Variants in KHDRBS2 observed in about 807,000 individuals in gnomAD.
KHDRBS2 encodes the protein KH domain-containing, RNA-binding, signal transduction-associated protein 2.
KHDRBS2 carries 26 observed loss-of-function variants against 44.3 expected under a neutral mutation model. That is an observed-to-expected ratio of 0.59 (90% CI 0.43 to 0.81). KHDRBS2 has a LOEUF of 0.81. Ranked by LOEUF, KHDRBS2 falls within the 40% of genes least tolerant of loss-of-function variation. KHDRBS2 has a pLI of 0.00. For missense variants in KHDRBS2, 476 were observed against 433.1 expected, an observed-to-expected ratio of 1.10 and a Z score of -0.88; for synonymous variants, 194 against 151.1, an observed-to-expected ratio of 1.28 and a Z score of -2.08.
intron 6 of KHDRBS2, among the ~76,000 whole-genome samples, chr6:61,874,621 A>G (rs184241236): frequency 3.9e-5 from 6 of 152,326 alleles, no homozygotes; most frequent in Admixed American, 2.6e-4. Flanking sequence ...AGAGCTCAAC[A>G]TAGGTAATGA....
intron 8 of KHDRBS2, among the ~76,000 whole-genome samples, chr6:61,688,336 T>C (rs540043284): frequency 9.2e-5 from 14 of 152,012 alleles, no homozygotes; most frequent in Middle Eastern, 3.4e-3. Context: ...CTGACTAAAG[T>C]CTAAAACGTA....
intron 4 of KHDRBS2, among the ~76,000 whole-genome samples, chr6:61,914,338 G>A (rs1216193821): frequency 6.6e-6 from 1 of 152,032 alleles, no homozygotes; most frequent in Non-Finnish European, 1.5e-5. Context: ...GTTACTGAAT[G>A]TGGGCTTCCC....
intron 2 of KHDRBS2, among the ~76,000 whole-genome samples, chr6:62,106,735 T>A (rs1169140981): frequency 2.0e-5 from 3 of 152,158 alleles, no homozygotes; most frequent in Non-Finnish European, 4.4e-5. Context: ...ATCAAAAAGC[T>A]TATCCACCAT....
At chr6:61,645,772 A>G in the KHDRBS2 span, among the ~76,000 whole-genome samples, 20 of 152,302 alleles carry the variant, frequency 1.3e-4, no homozygotes, top group African/African-American at 4.1e-4. Context: ...AGAAATCTTT[A>G]ACATCATGTT....
At chr6:61,621,100 A>G in the KHDRBS2 span, among the ~76,000 whole-genome samples, 1 of 152,184 alleles carries the variant, frequency 6.6e-6, no homozygotes, top group Non-Finnish European at 1.5e-5. Flanking sequence ...GCTGGGGACT[A>G]CATTGCTTAC....
In KHDRBS2 at chr6:62,241,453, A is replaced by T. The variant is rs1325496246; in HGVS notation, c.91+44405T>A. On this transcript the variant is annotated intron_variant, in intron 1 of 8. Coordinates refer to ENST00000281156, the MANE Select transcript of KHDRBS2 (RefSeq NM_152688.4). ...TAAATAGAAGGAAATAATAAAATAA[A>T]TTGATTACTAAGAAAACCAGCTGAG... Among the ~76,000 whole-genome samples the T allele has an allele frequency of 2.6e-5, 4 of 152,340 alleles. No individual in the cohort carries two copies. In the South Asian group the frequency reaches 6.2e-4, roughly 24 times the overall value.
intron 6 of KHDRBS2, among the ~76,000 whole-genome samples, chr6:61,844,383 T>C: frequency 6.6e-6 from 1 of 152,184 alleles, no homozygotes; most frequent in South Asian, 2.1e-4. Flanking sequence ...TCAGCATATT[T>C]CAGCTTTTCT....
the KHDRBS2 span, among the ~76,000 whole-genome samples, chr6:61,584,671 T>G: frequency 0.23 from 35,191 of 151,692 alleles, 4,314 homozygotes; most frequent in East Asian, 0.37. Flanking sequence ...TCAAGATCAT[T>G]AGAATAAAAA....
intron 2 of KHDRBS2, among the ~76,000 whole-genome samples, chr6:62,059,343 G>A (rs1352227531): frequency 6.6e-6 from 1 of 150,596 alleles, no homozygotes; most frequent in African/African-American, 2.4e-5. Context: ...ATGTAGTGGA[G>A]CAGGAAAAAG....
chr6:62,018,303 G>GTATATTCACACAC (rs1781608798), intron 3 of KHDRBS2, among the ~76,000 whole-genome samples: 1 of 1,716 alleles, frequency 5.8e-4, no homozygotes, highest in Non-Finnish European at 3.6e-3. Context: ...ATATATATGT[G>GTATATTCACACAC]TGTGTGTGTG....
At chr6:61,670,683 T>TC in the KHDRBS2 span, among the ~76,000 whole-genome samples, 1 of 151,188 alleles carries the variant, frequency 6.6e-6, no homozygotes, top group Non-Finnish European at 1.5e-5. Context: ...GTTTATACTT[T>TC]GAAAAAATTA....
intron 4 of KHDRBS2, among the ~76,000 whole-genome samples, chr6:61,926,967 C>A (rs116431587): frequency 6.6e-6 from 1 of 151,754 alleles, no homozygotes; most frequent in Non-Finnish European, 1.5e-5. Context: ...TCTCTAGCAT[C>A]CTGATGTTAT....
intron 2 of KHDRBS2, among the ~76,000 whole-genome samples, chr6:62,097,705 T>C (rs1800924589): frequency 6.6e-6 from 1 of 152,140 alleles, no homozygotes; most frequent in African/African-American, 2.4e-5. Flanking sequence ...GGAAATTTAA[T>C]ACATTTATAT....
At chr6:61,620,076 G>C in the KHDRBS2 span, among the ~76,000 whole-genome samples, 6 of 151,798 alleles carry the variant, frequency 4.0e-5, no homozygotes, top group Non-Finnish European at 8.8e-5. Context: ...ATTGCTGTTG[G>C]CTATTTCCCC....
At chr6:62,139,678 T>C (rs1034363287) in intron 2 of KHDRBS2, among the ~76,000 whole-genome samples, 3 of 152,194 alleles carry the variant, frequency 2.0e-5, no homozygotes, top group African/African-American at 4.8e-5. Flanking sequence ...TCACATTATA[T>C]AACACCCTCT....
intron 2 of KHDRBS2, among the ~76,000 whole-genome samples, chr6:62,104,736 T>C (rs1392520478): frequency 2.0e-5 from 3 of 151,466 alleles, no homozygotes; most frequent in Non-Finnish European, 4.4e-5. Context: ...ATTAAGAAGT[T>C]GAAAAAAAAG....
intron 2 of KHDRBS2, among the ~76,000 whole-genome samples, chr6:62,120,339 C>T (rs1307225909): frequency 6.6e-6 from 1 of 152,166 alleles, no homozygotes; most frequent in Admixed American, 6.5e-5. Flanking sequence ...AGAACACATA[C>T]CTTTCACCAA....
chr6:61,673,608 C>T, the KHDRBS2 span, among the ~76,000 whole-genome samples: 1 of 137,044 alleles, frequency 7.3e-6, no homozygotes, highest in East Asian at 2.1e-4. Context: ...ACAAAAATCA[C>T]AAGCATTCTT....
intron 6 of KHDRBS2, among the ~76,000 whole-genome samples, chr6:61,890,551 A>G (rs1801662362): frequency 6.6e-6 from 1 of 152,212 alleles, no homozygotes; most frequent in Non-Finnish European, 1.5e-5. Flanking sequence ...CTATTACCTG[A>G]AAAGTTTTTC....
Sources: allele counts gnomAD v4.1 joint callset (sites outside exome capture counted in the v4.1 genomes callset), GRCh38; gene constraint gnomAD v4.1.1; transcripts MANE v1.5; gene names NCBI Gene and HGNC (gene_info 2026-07-23, HGNC 2026-07-21).